The following TXK variants were observed in gnomAD, a reference collection of about 807,000 sequenced individuals.
TXK encodes tyrosine-protein kinase TXK.
A neutral mutation model predicts 81.0 loss-of-function variants in TXK; 60 were observed. The ratio of observed to expected loss-of-function variants is 0.74; its 90% CI spans 0.60 to 0.92. The LOEUF (loss-of-function observed/expected upper bound fraction) is 0.92. TXK is among the 40% of genes least tolerant of loss of function. The probability of loss-of-function intolerance (pLI) is 0.00; values close to 1 mark genes in which losing one functional copy is unlikely to be tolerated. For missense variants in TXK, 581 were observed against 638.3 expected (o/e 0.91, Z 0.97); for synonymous variants, 203 against 210.7 (o/e 0.96, Z 0.32).
Position 48,095,158 on chromosome 4 carries a change from A to C in TXK, c.566T>G (p.Phe189Cys). The change falls in exon 7 of 15, where the codon TTT (phenylalanine) becomes TGT (cysteine). Residue 189 changes from phenylalanine (F) to cysteine (C), a missense_variant. Phe to Cys is a radical substitution (Grantham distance 205). Transcript: ENST00000264316. The stretch of plus-strand genomic sequence containing the variant: ...AAGTGCTTACCTTCTAGCTCCCATA[A>C]ATACGGAAATTGTGTAGGATCCTAA... ...RHLGSYTISV[F>C]MGARRSTEAA... 1 of 1,613,490 alleles carries C rather than the reference A, an allele frequency of 6.2e-7. No individual in the cohort carries two copies. Among genetic ancestry groups the C allele is most frequent in the South Asian group, 1.1e-5 (1 of 91,068 alleles).
intron 1 of TXK, chr4:48,114,631 G>A: frequency 1.8e-6 from 1 of 546,624 alleles, no homozygotes; most frequent in African/African-American, 1.9e-5. Context: ...CCTGGTTTTT[G>A]CATTTCCTCA....
rs117247404 is a variant in TXK, at chr4:48,086,874, C to T, written c.785-237G>A. On this transcript the variant is annotated intron_variant, in intron 9 of 14. Coordinates refer to ENST00000264316, the MANE Select transcript of TXK (RefSeq NM_003328.3). ...TGTTTGTATAACAAATTAAGGATAA[C>T]AAAATGCACTCTCTGCTCCCAAAGA... Among the ~76,000 whole-genome samples, 8 of 152,280 alleles carry T rather than the reference C, an allele frequency of 5.3e-5. No individual in the cohort carries two copies. The East Asian group carries it at 1.5e-3, about 29-fold the overall frequency.
intron 7 of TXK, 106 bp from the exon 8 acceptor site, chr4:48,094,310 A>C: frequency 7.9e-7 from 1 of 1,270,324 alleles, no homozygotes; most frequent in South Asian, 1.3e-5. Context: ...TCCTAGCAAC[A>C]CTACACTGAG....
intron 6 of TXK, among the ~76,000 whole-genome samples, chr4:48,103,158 T>C (rs1459614156): frequency 6.6e-6 from 1 of 152,218 alleles, no homozygotes; most frequent in East Asian, 1.9e-4. Flanking sequence ...ACCCTTGCCT[T>C]GTCTGGCTTC....
chr4:48,108,349 T>C (rs1718528213), intron 5 of TXK, among the ~76,000 whole-genome samples: 1 of 152,232 alleles, frequency 6.6e-6, no homozygotes, highest in Non-Finnish European at 1.5e-5. Flanking sequence ...ATAATAATAA[T>C]CACTAGAATG....
In TXK at chr4:48,074,013, T is replaced by C. The variant is rs781387510; in HGVS notation, c.1279A>G (p.Lys427Glu). ...DDEYVSSFGA[K>E]FPIKWSPPEV... ...GGAGGGGACCACTTGATTGGGAACT[T>C]GGCTCCAAAAGAACTGACATACTCA... The change falls in exon 13 of 15, where the codon AAG becomes GAG. Residue 427 changes from lysine to glutamate, a missense_variant. Physicochemically the swap from Lys to Glu is moderately conservative, Grantham distance 56 (BLOSUM62 1). Coordinates refer to ENST00000264316, the MANE Select transcript of TXK (RefSeq NM_003328.3). The C allele has an allele frequency of 1.2e-6, 2 of 1,613,994 alleles. No individual in the cohort carries two copies. Among genetic ancestry groups the C allele is most frequent in the Non-Finnish European group, 1.7e-6 (2 of 1,179,900 alleles).
At chr4:48,086,359 G>A (rs1717529476) in intron 10 of TXK, 107 bp downstream of exon 10, 4 of 1,170,970 alleles carry the variant, frequency 3.4e-6, no homozygotes, top group Non-Finnish European at 5.0e-6. Flanking sequence ...CAATGAGCTT[G>A]AGCAAAGTTG....
intron 5 of TXK, among the ~76,000 whole-genome samples, chr4:48,110,088 C>T (rs115245008): frequency 1.0e-3 from 153 of 152,268 alleles, no homozygotes; most frequent in African/African-American, 3.4e-3. Flanking sequence ...AGATTTCAGG[C>T]GGAACTCTAG....
intron 9 of TXK, among the ~76,000 whole-genome samples, chr4:48,087,092 T>G (rs115355498): frequency 6.6e-6 from 1 of 152,190 alleles, no homozygotes; most frequent in Admixed American, 6.6e-5. Context: ...CCCTTGATAC[T>G]TTTTCTTCTT....
In TXK at chr4:48,112,488, A is replaced by G; in HGVS notation, c.199T>C (p.Ser67Pro). 1 of 1,614,058 alleles carries G rather than the reference A, an allele frequency of 6.2e-7. No homozygotes were observed. The highest frequency in any genetic ancestry group is 8.5e-7 in the Non-Finnish European group (1 of 1,179,960). Residue 67 changes from serine to proline, a missense_variant, in exon 4 of 15, where the codon TCA becomes CCA. Physicochemically the swap from Ser to Pro is moderately conservative, Grantham distance 74. Transcript: ENST00000264316. ...KQSNTGRVQP[S>P]KRKPLPPLPP... ...AGGGGAGGCAGTGGCTTTCGTTTTG[A>G]CGGCTGCACACGGCCCGTGTTGGAC...
chr4:48,107,584 A>G (rs1718496763), intron 5 of TXK, among the ~76,000 whole-genome samples: 1 of 151,858 alleles, frequency 6.6e-6, no homozygotes, highest in African/African-American at 2.4e-5. Context: ...GTACATGTAC[A>G]GGATATTCAG....
At chr4:48,123,754 C>T (rs1052355997) in intron 1 of TXK, among the ~76,000 whole-genome samples, 17 of 152,266 alleles carry the variant, frequency 1.1e-4, no homozygotes, top group Non-Finnish European at 2.4e-4. Context: ...CTGTCTCCTT[C>T]GATTCACCCC....
At chr4:48,123,328 CT>C (rs1719006471) in intron 1 of TXK, among the ~76,000 whole-genome samples, 1 of 152,138 alleles carries the variant, frequency 6.6e-6, no homozygotes, top group Non-Finnish European at 1.5e-5. Context: ...CCAATTTGGC[CT>C]CTGTCTTACC....
At chr4:48,101,240 AT>A (rs1718181822) in intron 6 of TXK, among the ~76,000 whole-genome samples, 1 of 152,182 alleles carries the variant, frequency 6.6e-6, no homozygotes, top group Non-Finnish European at 1.5e-5. Flanking sequence ...CTCTAGGTAA[AT>A]ATAAATTATC....
intron 1 of TXK, among the ~76,000 whole-genome samples, chr4:48,118,342 C>T (rs1448978844): frequency 6.6e-6 from 1 of 152,096 alleles, no homozygotes; most frequent in African/African-American, 2.4e-5. Context: ...GGAGAACTAC[C>T]CAAGAGGCCA....
chr4:48,110,895 G>C (rs1718613317), intron 4 of TXK, among the ~76,000 whole-genome samples: 1 of 152,184 alleles, frequency 6.6e-6, no homozygotes, highest in Non-Finnish European at 1.5e-5. Flanking sequence ...ATATCATAGT[G>C]ATTATGTTAA....
At chr4:48,114,001 G>A (rs1718723480) in intron 2 of TXK, among the ~76,000 whole-genome samples, 1 of 152,152 alleles carries the variant, frequency 6.6e-6, no homozygotes, top group African/African-American at 2.4e-5. Flanking sequence ...GTAGTTTTGG[G>A]GAGATAGATA....
intron 2 of TXK, 149 bp from the exon 3 acceptor site, chr4:48,113,458 G>T (rs1718706230): frequency 3.6e-6 from 2 of 556,048 alleles, no homozygotes; most frequent in Non-Finnish European, 6.3e-6. Context: ...CATCTCCCTG[G>T]GCAAATTACT....
intron 14 of TXK, among the ~76,000 whole-genome samples, chr4:48,068,580 C>A (rs1716699160): frequency 6.6e-6 from 1 of 152,182 alleles, no homozygotes. Flanking sequence ...TTTGAGTCAG[C>A]AACTCTAAAG....
Sources: allele counts gnomAD v4.1 joint callset (sites outside exome capture counted in the v4.1 genomes callset), GRCh38; gene constraint gnomAD v4.1.1; transcripts MANE v1.5; gene names NCBI Gene and HGNC (gene_info 2026-07-23, HGNC 2026-07-21).